Variants in CSMD1 observed in about 807,000 individuals in gnomAD.
CSMD1 encodes CUB and sushi domain-containing protein 1.
CSMD1 carries 213 observed loss-of-function variants against 417.5 expected under a neutral mutation model. The observed-to-expected ratio is 0.51, with a 90% CI of 0.46 to 0.57. The LOEUF is 0.57. Ranked by LOEUF, CSMD1 falls within the 20% of genes least tolerant of loss-of-function variation. The pLI, the probability that CSMD1 is intolerant of heterozygous loss-of-function variation, is 0.00. For synonymous variants in CSMD1, 2,862 were observed against 1,736.8 expected, an observed-to-expected ratio of 1.65 and a Z score of -16.11; for missense variants, 6,923 against 4,529.7, an observed-to-expected ratio of 1.53 and a Z score of -15.17.
intron 39 of CSMD1, among the ~76,000 whole-genome samples, chr8:3,156,232 T>G (rs551197146): frequency 6.8e-4 from 103 of 152,320 alleles, no homozygotes; most frequent in African/African-American, 2.5e-3. Context: ...GCTGACTGTC[T>G]GGACATAAAT....
chr8:3,241,603 C>T (rs973927066), intron 26 of CSMD1, among the ~76,000 whole-genome samples: 1 of 152,170 alleles, frequency 6.6e-6, no homozygotes, highest in Non-Finnish European at 1.5e-5. Flanking sequence ...GGGTCCTGCA[C>T]AGACGGGACA....
At chr8:3,193,058 G>A (rs1171404962) in intron 33 of CSMD1, among the ~76,000 whole-genome samples, 1 of 152,098 alleles carries the variant, frequency 6.6e-6, no homozygotes, top group Non-Finnish European at 1.5e-5. Flanking sequence ...CTGCTATCGT[G>A]GCAAAGGTTG....
intron 2 of CSMD1, among the ~76,000 whole-genome samples, chr8:4,500,248 G>C (rs759228253): frequency 2.6e-5 from 4 of 151,984 alleles, no homozygotes; most frequent in Non-Finnish European, 5.9e-5. Context: ...TCATGTAAGA[G>C]AGATCATAGA....
intron 26 of CSMD1, among the ~76,000 whole-genome samples, chr8:3,275,367 T>G (rs959213773): frequency 6.6e-6 from 1 of 152,182 alleles, no homozygotes; most frequent in African/African-American, 2.4e-5. Flanking sequence ...TAACATTTTT[T>G]CCTTCATTTC....
At chr8:3,463,179 G>C (rs542710371) in intron 12 of CSMD1, among the ~76,000 whole-genome samples, 1 of 152,140 alleles carries the variant, frequency 6.6e-6, no homozygotes, top group East Asian at 1.9e-4. Flanking sequence ...TGCACCTGTC[G>C]TGACTGGGCA....
At chr8:4,217,289 G>A (rs150748892) in intron 3 of CSMD1, among the ~76,000 whole-genome samples, 1 of 152,326 alleles carries the variant, frequency 6.6e-6, no homozygotes, top group South Asian at 2.1e-4. Flanking sequence ...TATAAGCCAA[G>A]TGTCCATGCA....
intron 5 of CSMD1, among the ~76,000 whole-genome samples, chr8:3,817,817 C>G (rs956061937): frequency 6.6e-6 from 1 of 152,108 alleles, no homozygotes; most frequent in Non-Finnish European, 1.5e-5. Flanking sequence ...GCACGTGCAT[C>G]TGGCCACACC....
intron 5 of CSMD1, among the ~76,000 whole-genome samples, chr8:3,848,922 T>C (rs1803691580): frequency 6.6e-6 from 1 of 150,384 alleles, no homozygotes; most frequent in South Asian, 2.1e-4. Context: ...ATCATATACA[T>C]ATATCATATA....
At chr8:3,290,098 G>A (rs1298589983) in intron 25 of CSMD1, among the ~76,000 whole-genome samples, 1 of 146,808 alleles carries the variant, frequency 6.8e-6, no homozygotes, top group Non-Finnish European at 1.5e-5. Flanking sequence ...TTTCCCCATT[G>A]CTTGTTTTTG....
chr8:4,915,236 G>A (rs1315998133), intron 1 of CSMD1, among the ~76,000 whole-genome samples: 1 of 151,318 alleles, frequency 6.6e-6, no homozygotes, highest in Non-Finnish European at 1.5e-5. Context: ...TATAAAATAT[G>A]TATAACAAGA....
At chr8:4,818,999 A>G (rs891124320) in intron 1 of CSMD1, among the ~76,000 whole-genome samples, 1 of 152,130 alleles carries the variant, frequency 6.6e-6, no homozygotes, top group Non-Finnish European at 1.5e-5. Flanking sequence ...GAAAAAAAAT[A>G]TTAGCTATGT....
intron 37 of CSMD1, among the ~76,000 whole-genome samples, chr8:3,179,436 C>G (rs1355814851): frequency 6.6e-6 from 1 of 152,088 alleles, no homozygotes; most frequent in African/African-American, 2.4e-5. Flanking sequence ...TAAACAAAAG[C>G]TTGGATTCTC....
chr8:3,150,544 T>G (rs1385452233), intron 40 of CSMD1, among the ~76,000 whole-genome samples: 1 of 152,238 alleles, frequency 6.6e-6, no homozygotes, highest in African/African-American at 2.4e-5. Context: ...GTGTGTGATC[T>G]TCTTCCAGGG....
At chr8:3,259,581 T>G (rs1357566276) in intron 26 of CSMD1, among the ~76,000 whole-genome samples, 1 of 152,224 alleles carries the variant, frequency 6.6e-6, no homozygotes, top group Non-Finnish European at 1.5e-5. Flanking sequence ...TGATTAGTTG[T>G]TAAACATGAT....
At chr8:3,392,691 C>G (rs992796105) in intron 17 of CSMD1, among the ~76,000 whole-genome samples, 14 of 152,076 alleles carry the variant, frequency 9.2e-5, no homozygotes, top group African/African-American at 3.1e-4. Context: ...TTCCCTGAAT[C>G]ACAATATTTG....
intron 5 of CSMD1, among the ~76,000 whole-genome samples, chr8:3,979,158 A>G (rs1279884083): frequency 2.0e-5 from 3 of 152,232 alleles, no homozygotes; most frequent in Admixed American, 2.0e-4. Context: ...ATCACATTTT[A>G]CAACACCTGT....
chr8:4,961,312 C>T (rs1055997320), intron 1 of CSMD1, among the ~76,000 whole-genome samples: 1 of 152,094 alleles, frequency 6.6e-6, no homozygotes, highest in Non-Finnish European at 1.5e-5. Flanking sequence ...ATTATTCCAC[C>T]GAAGACCTCA....
chr8:4,461,636 T>A (rs1470946979), intron 2 of CSMD1, among the ~76,000 whole-genome samples: 1 of 151,914 alleles, frequency 6.6e-6, no homozygotes, highest in Non-Finnish European at 1.5e-5. Context: ...CTGCATCGTG[T>A]ACCTCCTGGG....
intron 1 of CSMD1, among the ~76,000 whole-genome samples, chr8:4,792,715 C>T (rs1797756117): frequency 6.6e-6 from 1 of 152,164 alleles, no homozygotes; most frequent in Non-Finnish European, 1.5e-5. Flanking sequence ...CTAGGAAGAG[C>T]TGCCAAGAAG....
Sources: allele counts gnomAD v4.1 joint callset (sites outside exome capture counted in the v4.1 genomes callset), GRCh38; gene constraint gnomAD v4.1.1; transcripts MANE v1.5; gene names NCBI Gene and HGNC (gene_info 2026-07-23, HGNC 2026-07-21).